The following WNK1 variants were observed in gnomAD, a reference collection of about 807,000 sequenced individuals.
The protein encoded by WNK1 is WNK lysine deficient protein kinase 1.
WNK1 carries 38 observed loss-of-function variants against 222.8 expected under a neutral mutation model. That is an observed-to-expected ratio of 0.17 (90% confidence interval 0.13 to 0.22). The LOEUF (loss-of-function observed/expected upper bound fraction) is 0.22. WNK1 is among the 10% of genes least tolerant of loss of function. The pLI, the probability that WNK1 is intolerant of heterozygous loss-of-function variation, is 1.00. For synonymous variants in WNK1, 1,090 were observed against 1,092.9 expected (o/e 1.00, Z 0.05); for missense variants, 2,348 against 2,918.4 (o/e 0.80, Z 4.50).
intron 8 of WNK1, among the ~76,000 whole-genome samples, chr12:863,193 T>A (rs1218499775): frequency 1.3e-5 from 2 of 152,204 alleles, no homozygotes; most frequent in Admixed American, 6.5e-5. Flanking sequence ...CTTTGTGGAA[T>A]TCTTGCTCTT....
At chr12:794,455 G>C (rs1017483214) in intron 1 of WNK1, among the ~76,000 whole-genome samples, 2 of 151,528 alleles carry the variant, frequency 1.3e-5, no homozygotes, top group Non-Finnish European at 2.9e-5. Flanking sequence ...GGTTTTCCTA[G>C]ATGCCCTTTA....
chr12:901,792 G>T (rs2154099140), intron 26 of WNK1: 2 of 316,062 alleles, frequency 6.3e-6, no homozygotes, highest in East Asian at 1.0e-4. Flanking sequence ...ACCCTCAGAA[G>T]TTTGGGCCCC....
chr12:851,818 A>T, intron 4 of WNK1: 1 of 1,288,074 alleles, frequency 7.8e-7, no homozygotes, highest in Non-Finnish European at 1.0e-6. Flanking sequence ...AACAGTTTAT[A>T]TTGTAGCCTT....
chr12:873,736 G>A (rs544219010), intron 9 of WNK1, among the ~76,000 whole-genome samples: 3 of 152,136 alleles, frequency 2.0e-5, no homozygotes, highest in East Asian at 1.9e-4. Flanking sequence ...AAAACTTTTT[G>A]TACTATATGG....
rs1956078758 is a variant in WNK1, at chr12:911,445, TTTG to T, written c.*2657_*2659del. ...ACCATTCAAATAAACCAAACTTGCT[TTTG>T]TTGAGCTGTGGGGTTTCATTTCCAG... On this transcript the variant is annotated 3_prime_UTR_variant, in exon 28 of 28. Coordinates refer to ENST00000315939, the MANE Select transcript of WNK1 (RefSeq NM_018979.4). The T allele has an allele frequency of 5.0e-6, 2 of 398,468 alleles. No individual in the cohort carries two copies. Among genetic ancestry groups the T allele is most frequent in the African/African-American group, 4.1e-5 (2 of 48,630 alleles). The allele number at this position is 398,468 out of a possible 1,614,324, so 24.7% of individuals were successfully genotyped here. A position where few individuals can be genotyped will look rare whatever the true frequency, so the allele number is the denominator to read the frequency against.
At position 807,273 on chromosome 12, in the gene WNK1, C is replaced by T. The variant is rs971059918; in HGVS notation, c.760-6369C>T. Among the ~76,000 whole-genome samples, 4 of 146,468 alleles carry T rather than the reference C, an allele frequency of 2.7e-5. No homozygotes were observed. The Admixed American group carries it at 2.7e-4, about 10-fold the overall frequency. On this transcript the variant is annotated intron_variant, in intron 1 of 27. Coordinates refer to ENST00000315939, the MANE Select transcript of WNK1 (RefSeq NM_018979.4). ...AGGAATTCTAGACCAGCCTGGGCAA[C>T]AGAGTGAGACCCTGTCTCTGTTTTT...
intron 14 of WNK1, among the ~76,000 whole-genome samples, chr12:882,536 C>T (rs1399565378): frequency 1.3e-5 from 2 of 152,072 alleles, no homozygotes; most frequent in Non-Finnish European, 2.9e-5. Context: ...GTCTCTTTGA[C>T]TTAAATATCA....
chr12:859,125 C>G (rs1251746314), intron 5 of WNK1, 120 bp from the exon 6 acceptor site: 7 of 833,612 alleles, frequency 8.4e-6, no homozygotes, highest in Non-Finnish European at 7.9e-6. Context: ...TATACTTTCC[C>G]CTGTATTTTT....
chr12:908,089 T>G (rs1423962816), intron 27 of WNK1, 55 bp downstream of exon 27: 1 of 1,588,922 alleles, frequency 6.3e-7, no homozygotes, highest in Admixed American at 1.7e-5. Flanking sequence ...GTCAAGGTGA[T>G]AGAAACAACT....
intron 9 of WNK1, among the ~76,000 whole-genome samples, chr12:871,887 G>A (rs1170067799): frequency 3.3e-5 from 5 of 152,016 alleles, no homozygotes; most frequent in Admixed American, 2.0e-4. Context: ...ACAGGCATGC[G>A]CCACCTCACC....
In WNK1 at chr12:908,790, T is replaced by A. The variant is rs55650617; in HGVS notation, c.7147T>A (p.Ter2383LysextTer2). 3.7e-5 allele frequency: 51 copies of A among 1,372,838 alleles called. No homozygotes were observed. The East Asian group carries it at 2.1e-3, about 57-fold the overall frequency. 85.0% of individuals were successfully genotyped at this position (1,372,838 alleles called of 1,614,324 possible). A position where few individuals can be genotyped will look rare whatever the true frequency, so the allele number is the denominator to read the frequency against. The change falls in exon 28 of 28, where the codon TAG becomes AAG. Residue 2383 changes from the stop codon to lysine (K), a stop_lost. Transcript: ENST00000315939. ...CCCAGGCTCCAACCTGCGGACCACTTAGACCTAGAGACATTAACTGAATAG... is the reference window on the plus strand; with the variant it reads ...CCCAGGCTCCAACCTGCGGACCACTAAGACCTAGAGACATTAACTGAATAG... ...NPPGSNLRTT* is the reference protein window; with the variant it reads ...NPPGSNLRTTK
At chr12:857,036 G>A in intron 4 of WNK1, 125 bp from the exon 5 acceptor site, 2 of 927,810 alleles carry the variant, frequency 2.2e-6, no homozygotes, top group South Asian at 2.8e-5. Context: ...ACCAACTCCT[G>A]CAGGCGAGTC....
intron 1 of WNK1, among the ~76,000 whole-genome samples, chr12:786,304 A>G (rs1944298061): frequency 6.6e-6 from 1 of 152,186 alleles, no homozygotes; most frequent in Admixed American, 6.5e-5. Context: ...TCATAGCTTT[A>G]TATTTAGGCT....
chr12:830,055 C>T lies in WNK1; in HGVS notation c.1206C>T (p.Ser402=), dbSNP rs1402217364. ...PEMYEEKYDE[S]VDVYAFGMCM... is the part of the protein sequence containing the mutation. Reference sequence around the variant, plus strand: ...TGTATGAGGAGAAATATGATGAATCCGTTGACGTTTATGCTTTTGGGATGT... The same window carrying T: ...TGTATGAGGAGAAATATGATGAATCTGTTGACGTTTATGCTTTTGGGATGT... Residue 402 remains serine (S), a synonymous_variant, in exon 4 of 28, where the codon TCC becomes TCT. Coordinates refer to ENST00000315939, the MANE Select transcript of WNK1 (RefSeq NM_018979.4). 9.9e-6 allele frequency: 16 copies of T among 1,613,958 alleles called. No individual in the cohort carries two copies. Among genetic ancestry groups the T allele is most frequent in the Admixed American group, 3.3e-5 (2 of 59,988 alleles).
chr12:818,488 T>C (rs191451208), intron 2 of WNK1, among the ~76,000 whole-genome samples: 2 of 151,880 alleles, frequency 1.3e-5, no homozygotes, highest in Admixed American at 6.5e-5. Context: ...GGGATTTTTT[T>C]ATTGTAAAAA....
intron 9 of WNK1, among the ~76,000 whole-genome samples, chr12:875,797 G>A (rs1210879333): frequency 2.0e-5 from 3 of 152,198 alleles, no homozygotes; most frequent in African/African-American, 4.8e-5. Flanking sequence ...CTTTACCTAT[G>A]TAGAGTTTGG....
chr12:881,805 AT>A lies in WNK1; in HGVS notation c.3209+18del. On this transcript the variant is annotated intron_variant, in intron 13 of 27. Coordinates refer to ENST00000315939, the MANE Select transcript of WNK1 (RefSeq NM_018979.4). Reference sequence around the variant, plus strand: ...CTGTAGACAGGTACGTAAAACTAGAATTCTCCTTCCTTGACTGGTAAATAAG... The same window carrying A: ...CTGTAGACAGGTACGTAAAACTAGAATCTCCTTCCTTGACTGGTAAATAAG... The A allele has an allele frequency of 6.2e-7, 1 of 1,614,068 alleles. No individual in the cohort carries two copies. The highest frequency in any genetic ancestry group is 8.5e-7 in the Non-Finnish European group (1 of 1,179,908).
chr12:864,109 A>ATTTTTTTTTTTTTTTTTTTTTTTTTTTT, intron 8 of WNK1, among the ~76,000 whole-genome samples: 1 of 131,094 alleles, frequency 7.6e-6, no homozygotes, highest in African/African-American at 3.1e-5. Flanking sequence ...CATTTTTTTA[A>ATTTTTTTTTTTTTTTTTTTTTTTTTTTT]GTTTTTTTTT....
intron 1 of WNK1, among the ~76,000 whole-genome samples, chr12:808,560 T>C (rs974068317): frequency 6.6e-5 from 10 of 152,104 alleles, no homozygotes; most frequent in African/African-American, 2.4e-4. Flanking sequence ...AGCATTAACC[T>C]AAAGCTTCCT....
Sources: allele counts gnomAD v4.1 joint callset (sites outside exome capture counted in the v4.1 genomes callset), GRCh38; gene constraint gnomAD v4.1.1; transcripts MANE v1.5; gene names NCBI Gene and HGNC (gene_info 2026-07-23, HGNC 2026-07-21).